NRCAM: variants seen among roughly 807,000 people sequenced by gnomAD.
NRCAM encodes the protein NgCAM-related cell adhesion molecule.
NRCAM carries 83 observed loss-of-function variants against 156.5 expected under a neutral mutation model. The observed-to-expected ratio is 0.53, with a 90% confidence interval of 0.44 to 0.64. The LOEUF is 0.64. NRCAM is among the 30% of genes least tolerant of loss of function. NRCAM has a pLI of 0.00. For synonymous variants in NRCAM, 538 were observed against 563.9 expected (o/e 0.95, Z 0.65); for missense variants, 1,417 against 1,597.3 (o/e 0.89, Z 1.92).
At position 108,331,542 on chromosome 7, in the gene NRCAM, T is replaced by C. The variant is rs371613577; in HGVS notation, c.-173-18811A>G. On this transcript the variant is annotated intron_variant, in intron 2 of 32. Transcript: ENST00000379028. The stretch of plus-strand genomic sequence containing the variant: ...TGCCTCAGTTTCCTTATATGTAAAA[T>C]CAGGATAATATAGTACCTTCTTTGG... Among the ~76,000 whole-genome samples, 34 of 152,314 alleles carry C rather than the reference T, an allele frequency of 2.2e-4. No individual in the cohort carries two copies. In the East Asian group the frequency reaches 5.6e-3, roughly 25 times the overall value.
chr7:108,411,485 T>C (rs1795252048), intron 1 of NRCAM, among the ~76,000 whole-genome samples: 1 of 152,212 alleles, frequency 6.6e-6, no homozygotes, highest in African/African-American at 2.4e-5. Flanking sequence ...TTTTAAATGT[T>C]ACAACATGTG....
chr7:108,166,294 C>T (rs567914269), intron 30 of NRCAM, among the ~76,000 whole-genome samples: 2 of 146,306 alleles, frequency 1.4e-5, no homozygotes, highest in Admixed American at 6.9e-5. Flanking sequence ...GTCACCCAGG[C>T]TAGAGAGCAA....
At chr7:108,320,514 C>A (rs2098988710) in intron 2 of NRCAM, among the ~76,000 whole-genome samples, 1 of 151,578 alleles carries the variant, frequency 6.6e-6, no homozygotes. Flanking sequence ...GAGATCACAC[C>A]ACTACACTCC....
At chr7:108,337,962 G>A (rs1181484805) in intron 2 of NRCAM, among the ~76,000 whole-genome samples, 1 of 152,210 alleles carries the variant, frequency 6.6e-6, no homozygotes, top group South Asian at 2.1e-4. Flanking sequence ...GGTTAAAAAC[G>A]ATTAGCGTGG....
intron 31 of NRCAM, among the ~76,000 whole-genome samples, 195 bp from the exon 32 acceptor site, chr7:108,159,736 A>G (rs996629619): frequency 2.6e-5 from 4 of 152,200 alleles, no homozygotes; most frequent in Admixed American, 6.5e-5. Context: ...AATAGAATGT[A>G]CATTTTTTAA....
chr7:108,180,209 C>T lies in NRCAM; in HGVS notation c.2851+14G>A, dbSNP rs75470901. The T allele has an allele frequency of 1.9e-4, 307 of 1,611,848 alleles. 1 individual carries two copies. The East Asian group carries it at 6.5e-3, about 34-fold the overall frequency. ...ATATGTTCCTGAGATCTTAGAGACA[C>T]GTCCATTCCATACCTCCTTCTGGAG... is the stretch of plus-strand genomic sequence containing the variant. On this transcript the variant is annotated intron_variant, in intron 25 of 32. Transcript: ENST00000379028.
At chr7:108,332,055 C>G (rs1187741897) in intron 2 of NRCAM, among the ~76,000 whole-genome samples, 1 of 152,170 alleles carries the variant, frequency 6.6e-6, no homozygotes, top group Non-Finnish European at 1.5e-5. Context: ...AAGAAGCTCA[C>G]CAGGCATCAA....
intron 13 of NRCAM, among the ~76,000 whole-genome samples, chr7:108,202,624 C>T (rs994799523): frequency 2.0e-5 from 3 of 152,176 alleles, no homozygotes; most frequent in Non-Finnish European, 2.9e-5. Flanking sequence ...CAAGAGGATG[C>T]CACTGAGCCC....
intron 3 of NRCAM, among the ~76,000 whole-genome samples, chr7:108,305,205 A>G (rs2154165360): frequency 6.6e-6 from 1 of 152,320 alleles, no homozygotes; most frequent in Admixed American, 6.5e-5. Flanking sequence ...CCAGTCAAAT[A>G]ACTTATTATT....
In NRCAM at chr7:108,191,765, C is replaced by T. The variant is rs779573836; in HGVS notation, c.1867G>A (p.Asp623Asn). Residue 623 changes from aspartate (D) to asparagine (N), a missense_variant, in exon 18 of 33, where the codon GAC (aspartate) becomes AAC (asparagine). Around this residue, in one of 2 missense-constraint regions of NRCAM, gnomAD observed 1,238 missense variants for 1,336.4 expected, o/e 0.93. Transcript: ENST00000379028. Reference protein sequence around the residue: ...TYTCVANTTLDSVSASAVLSV... With the variant: ...TYTCVANTTLNSVSASAVLSV... ...AGCACAGCGCTGGCGGAGACGCTGT[C>T]CAGAGTGGTGTTGGCCACACACGTG... 5 of 1,613,898 alleles carry T rather than the reference C, an allele frequency of 3.1e-6. No individual in the cohort carries two copies. The highest frequency in any genetic ancestry group is 4.2e-6 in the Non-Finnish European group (5 of 1,179,974).
At chr7:108,150,584 G>A (rs190533891) in intron 32 of NRCAM, 48 of 460,264 alleles carry the variant, frequency 1.0e-4, no homozygotes, top group Admixed American at 2.7e-4. Flanking sequence ...CATGATTTTG[G>A]TTAAGTGTGA....
chr7:108,446,200 G>A (rs1843978747), intron 1 of NRCAM, among the ~76,000 whole-genome samples: 1 of 152,180 alleles, frequency 6.6e-6, no homozygotes, highest in African/African-American at 2.4e-5. Context: ...GACCTCCGCA[G>A]CAGAAATTTT....
chr7:108,417,294 T>A (rs1207878912), intron 1 of NRCAM, among the ~76,000 whole-genome samples: 1 of 152,194 alleles, frequency 6.6e-6, no homozygotes, highest in East Asian at 1.9e-4. Context: ...CTCACAATTC[T>A]GGAGTCTGAG....
At chr7:108,187,761 C>T (rs977013827) in intron 20 of NRCAM, among the ~76,000 whole-genome samples, 1 of 151,900 alleles carries the variant, frequency 6.6e-6, no homozygotes, top group Non-Finnish European at 1.5e-5. Context: ...ACCATTCTGG[C>T]TAGTACGGCA....
rs2050723620 is a variant in NRCAM at position 108,163,479 on chromosome 7, TGTTC to T, written c.3467-2991_3467-2988del. ...GAATGCACTATGGATGAAAATGTCC[TGTTC>T]AAATGCTTAGACATCAAACGCTTAG... On this transcript the variant is annotated intron_variant, in intron 30 of 32. Transcript: ENST00000379028. Among the ~76,000 whole-genome samples, 12 of 152,336 alleles carry T rather than the reference TGTTC, an allele frequency of 7.9e-5. No individual in the cohort carries two copies. The South Asian group carries it at 2.3e-3, about 29-fold the overall frequency.
chr7:108,438,043 A>T (rs932016300), intron 1 of NRCAM, among the ~76,000 whole-genome samples: 99 of 151,578 alleles, frequency 6.5e-4, no homozygotes, highest in Admixed American at 3.3e-4. Context: ...AAAAAAAAAA[A>T]AATTAATTAA....
At chr7:108,213,749 T>C (rs969202822) in intron 11 of NRCAM, among the ~76,000 whole-genome samples, 4 of 152,148 alleles carry the variant, frequency 2.6e-5, no homozygotes, top group African/African-American at 9.7e-5. Context: ...CACCTAACAA[T>C]GGAGCTCCTA....
intron 28 of NRCAM, among the ~76,000 whole-genome samples, chr7:108,173,164 T>G (rs1426428351): frequency 1.3e-5 from 2 of 151,978 alleles, no homozygotes; most frequent in Non-Finnish European, 2.9e-5. Flanking sequence ...TTTTATATTT[T>G]TAGTAGAGAT....
At chr7:108,398,843 G>C (rs1225880621) in intron 2 of NRCAM, among the ~76,000 whole-genome samples, 1 of 152,178 alleles carries the variant, frequency 6.6e-6, no homozygotes, top group East Asian at 1.9e-4. Context: ...TGAAGGCAAG[G>C]ACTTATCACC....
Sources: gnomAD v4.1 joint callset for allele counts (sites outside exome capture counted in the v4.1 genomes callset) on GRCh38, gnomAD v4.1.1 for gene constraint, gnomAD v4.1.1 regional missense constraint, MANE v1.5 for transcripts, NCBI Gene and HGNC (gene_info 2026-07-23, HGNC 2026-07-21) for gene names.